SMIM36: variants seen among roughly 807,000 people sequenced by gnomAD.
SMIM36 encodes the protein small integral membrane protein 36.
chr17:55,521,156 A>G, the SMIM36 span, among the ~76,000 whole-genome samples: 1 of 152,198 alleles, frequency 6.6e-6, no homozygotes, highest in Non-Finnish European at 1.5e-5. Context: ...TTGACCTAAC[A>G]TCTCAGAATG....
At chr17:55,470,489 T>C (rs975122932) in intron 3 of SMIM36, among the ~76,000 whole-genome samples, 1 of 152,184 alleles carries the variant, frequency 6.6e-6, no homozygotes, top group South Asian at 2.1e-4. Flanking sequence ...TTGTGGATAT[T>C]GATGGCCAGG....
chr17:55,488,907 C>G (rs1325149236), intron 1 of SMIM36, among the ~76,000 whole-genome samples: 1 of 8,642 alleles, frequency 1.2e-4, no homozygotes, highest in East Asian at 5.6e-4. Flanking sequence ...CCATCATCAT[C>G]ATCATCATCA....
the SMIM36 span, among the ~76,000 whole-genome samples, chr17:55,518,548 T>C: frequency 1.3e-5 from 2 of 152,056 alleles, no homozygotes; most frequent in African/African-American, 4.8e-5. Context: ...GGGGTTTTCA[T>C]AGGGTGGGAT....
At chr17:55,458,770 C>G (rs1379942189) in intron 4 of SMIM36, among the ~76,000 whole-genome samples, 1 of 152,122 alleles carries the variant, frequency 6.6e-6, no homozygotes. Flanking sequence ...GACAGCCGGG[C>G]TGCTGAGAGG....
chr17:55,501,890 A>AGCACG (rs375941141), intron 1 of SMIM36, among the ~76,000 whole-genome samples: 23 of 108,144 alleles, frequency 2.1e-4, no homozygotes, highest in African/African-American at 3.2e-4. Flanking sequence ...CGCGAGCCGA[A>AGCACG]GCAAGGCATT....
At chr17:55,479,428 T>A (rs1487760203) in intron 2 of SMIM36, 32 bp downstream of exon 2, 1 of 151,916 alleles carries the variant, frequency 6.6e-6, no homozygotes, top group African/African-American at 2.4e-5. Flanking sequence ...CTACTAAAAA[T>A]ACAAAAAGTA....
chr17:55,457,451 CAAAAA>C (rs1179896909), intron 4 of SMIM36, among the ~76,000 whole-genome samples: 2 of 61,656 alleles, frequency 3.2e-5, no homozygotes, highest in Admixed American at 1.9e-4. Flanking sequence ...AACTCCGTCT[CAAAAA>C]AAAAAAAAAA....
rs543809455 is a variant in SMIM36 at position 55,459,548 on chromosome 17, A to T, written c.*531+7597T>A. ...GGTAGGTCTACTGTTAGAAATCCTC[A>T]TACTGTTCAGTTCTTTACAATTTTA... is the stretch of plus-strand genomic sequence containing the variant. On this transcript the variant is annotated intron_variant, in intron 4 of 4. Coordinates refer to ENST00000636752, the Ensembl canonical transcript of SMIM36. Among the ~76,000 whole-genome samples, 28 of 152,306 alleles carry T rather than the reference A, an allele frequency of 1.8e-4. 1 individual carries two copies. In the South Asian group the frequency reaches 5.8e-3, roughly 32 times the overall value.
chr17:55,518,200 A>G, the SMIM36 span, among the ~76,000 whole-genome samples: 2 of 152,236 alleles, frequency 1.3e-5, no homozygotes, highest in African/African-American at 2.4e-5. Flanking sequence ...AAGAGAGAGC[A>G]TGAGAGCAGA....
At chr17:55,509,794 T>G (rs1910148375) in intron 1 of SMIM36, among the ~76,000 whole-genome samples, 2 of 152,178 alleles carry the variant, frequency 1.3e-5, no homozygotes. Context: ...AATTCAAAAA[T>G]TTTGGAAATA....
chr17:55,463,061 C>T lies in SMIM36; in HGVS notation c.*531+4084G>A, dbSNP rs543246688. On this transcript the variant is annotated intron_variant, in intron 4 of 4. Coordinates refer to ENST00000636752, the Ensembl canonical transcript of SMIM36. The stretch of plus-strand genomic sequence containing the variant: ...TATTTTTTCTTTTCTAATTGGAGTT[C>T]CACATGATCCTCCAGGCTATGTAAT... Among the ~76,000 whole-genome samples, 9 of 152,202 alleles carry T rather than the reference C, an allele frequency of 5.9e-5. No individual in the cohort carries two copies. In the South Asian group the frequency reaches 1.9e-3, roughly 32 times the overall value.
At chr17:55,473,374 G>A (rs1364860872) in intron 3 of SMIM36, among the ~76,000 whole-genome samples, 2 of 152,120 alleles carry the variant, frequency 1.3e-5, no homozygotes, top group Admixed American at 6.6e-5. Flanking sequence ...TGTTTGGATC[G>A]ACACCTCCAC....
the SMIM36 span, among the ~76,000 whole-genome samples, chr17:55,525,174 T>C: frequency 6.6e-6 from 1 of 152,254 alleles, no homozygotes; most frequent in South Asian, 2.1e-4. Context: ...CATTGAGATG[T>C]GCTAGTTCTT....
the SMIM36 span, among the ~76,000 whole-genome samples, chr17:55,528,500 C>T: frequency 1.3e-5 from 2 of 151,892 alleles, no homozygotes; most frequent in African/African-American, 4.8e-5. Context: ...TATAGGCGCA[C>T]ACCACCAAGC....
At chr17:55,508,371 A>T (rs998410039) in intron 1 of SMIM36, among the ~76,000 whole-genome samples, 2 of 148,826 alleles carry the variant, frequency 1.3e-5, no homozygotes, top group African/African-American at 5.0e-5. Flanking sequence ...CATTCAATAT[A>T]TATATTCTCT....
At chr17:55,484,033 G>T (rs540582295) in intron 1 of SMIM36, among the ~76,000 whole-genome samples, 30 of 151,942 alleles carry the variant, frequency 2.0e-4, no homozygotes, top group Non-Finnish European at 4.0e-4. Context: ...AATATAGACT[G>T]CTCCTAATTT....
intron 1 of SMIM36, among the ~76,000 whole-genome samples, chr17:55,501,171 A>T (rs1399800267): frequency 4.1e-5 from 3 of 73,208 alleles, no homozygotes; most frequent in African/African-American, 1.3e-4. Flanking sequence ...AATATATCTT[A>T]TATATTATAA....
At chr17:55,482,452 T>C (rs987226469) in intron 1 of SMIM36, among the ~76,000 whole-genome samples, 4 of 152,220 alleles carry the variant, frequency 2.6e-5, no homozygotes, top group African/African-American at 9.6e-5. Flanking sequence ...TTCCACAGGC[T>C]GTTACCAAGC....
chr17:55,455,737 G>GAGCTGTGA (rs1487790134), intron 4 of SMIM36, among the ~76,000 whole-genome samples: 1 of 152,226 alleles, frequency 6.6e-6, no homozygotes, highest in South Asian at 2.1e-4. Context: ...GGGCTGCAGT[G>GAGCTGTGA]AGCTGTGATC....
Sources: allele counts gnomAD v4.1 joint callset (sites outside exome capture counted in the v4.1 genomes callset), GRCh38; gene constraint gnomAD v4.1.1; transcripts MANE v1.5; gene names NCBI Gene and HGNC (gene_info 2026-07-23, HGNC 2026-07-21).